The following PHLDB2 variants were observed in gnomAD, a reference collection of about 807,000 sequenced individuals.
The protein encoded by PHLDB2 is pleckstrin homology like domain family B member 2.
PHLDB2 carries 71 observed loss-of-function variants against 123.6 expected under a neutral mutation model. That is an observed-to-expected ratio of 0.57 (90% confidence interval 0.47 to 0.70). PHLDB2 has a LOEUF of 0.70. PHLDB2 is among the 30% of genes least tolerant of loss of function. PHLDB2 has a pLI of 0.00. For missense variants in PHLDB2, 1,446 were observed against 1,519.5 expected, an observed-to-expected ratio of 0.95 and a Z score of 0.80; for synonymous variants, 547 against 541.6, an observed-to-expected ratio of 1.01 and a Z score of -0.14.
At position 111,966,702 on chromosome 3, in the gene PHLDB2, G is replaced by A; in HGVS notation, c.3167G>A (p.Arg1056Lys). The A allele has an allele frequency of 6.2e-7, 1 of 1,611,602 alleles. No homozygotes were observed. Among genetic ancestry groups the A allele is most frequent in the Non-Finnish European group, 8.5e-7 (1 of 1,178,758 alleles). ...GAAAAGACGCGGCTGCTCGAATCCAGGGTAAGCTTCATATTTTCATGCCGG... is the reference window on the plus strand; with the variant it reads ...GAAAAGACGCGGCTGCTCGAATCCAAGGTAAGCTTCATATTTTCATGCCGG... ...HAEKTRLLESREREMEAKKRA... is the reference protein window; with the variant it reads ...HAEKTRLLESKEREMEAKKRA... The change falls in exon 14 of 18, where the codon AGG (arginine) becomes AAG (lysine). Residue 1056 changes from arginine (R) to lysine (K), a missense_variant and splice_region_variant. This residue lies in a region of PHLDB2 where 594 missense variants were observed against 646.0 expected (regional missense o/e 0.92). Transcript: ENST00000431670.
At position 111,884,705 on chromosome 3, in the gene PHLDB2, A is replaced by C; in HGVS notation, c.628A>C (p.Lys210Gln). 6.2e-7 allele frequency: 1 copy of C among 1,614,156 alleles called. No homozygotes were observed. Among genetic ancestry groups the C allele is most frequent in the Non-Finnish European group, 8.5e-7 (1 of 1,180,026 alleles). ...GCCTTCAAGCCCAAAGCAAGCCAGG[A>C]AAATGAGCATTCAGGACAGCCTGGC... ...SMPSSPKQAR[K>Q]MSIQDSLALQ... is the part of the protein sequence containing the mutation. Residue 210 changes from lysine to glutamine, a missense_variant, in exon 2 of 18, where the codon AAA becomes CAA. Physicochemically the swap from Lys to Gln is moderately conservative, Grantham distance 53 (BLOSUM62 1). Coordinates refer to ENST00000431670, the MANE Select transcript of PHLDB2 (RefSeq NM_001134438.2).
At chr3:111,839,173 G>C (rs2063554076) in intron 1 of PHLDB2, among the ~76,000 whole-genome samples, 1 of 151,148 alleles carries the variant, frequency 6.6e-6, no homozygotes, top group South Asian at 2.1e-4. Flanking sequence ...CACCCACACT[G>C]AGCTCTTCCA....
chr3:111,789,836 G>GTCTT (rs1448317164), intron 1 of PHLDB2, among the ~76,000 whole-genome samples: 1 of 152,140 alleles, frequency 6.6e-6, no homozygotes, highest in African/African-American at 2.4e-5. Flanking sequence ...TTTGGCCCTT[G>GTCTT]TCTTTAGCCA....
At chr3:111,918,524 T>C (rs1286199066) in intron 3 of PHLDB2, among the ~76,000 whole-genome samples, 3 of 152,210 alleles carry the variant, frequency 2.0e-5, no homozygotes, top group Admixed American at 6.5e-5. Context: ...CCAACTTGTG[T>C]TGAGAAGGAA....
chr3:111,862,611 T>A (rs1184508303), intron 1 of PHLDB2, among the ~76,000 whole-genome samples: 1 of 152,124 alleles, frequency 6.6e-6, no homozygotes, highest in Non-Finnish European at 1.5e-5. Context: ...GGGGAGTAGG[T>A]TAACAAGATT....
chr3:111,895,674 C>G (rs1197145694), intron 2 of PHLDB2, among the ~76,000 whole-genome samples: 1 of 152,014 alleles, frequency 6.6e-6, no homozygotes, highest in East Asian at 1.9e-4. Context: ...ATGGTGAAAC[C>G]TCGTCTCTAC....
intron 1 of PHLDB2, among the ~76,000 whole-genome samples, chr3:111,746,390 T>A (rs1352105041): frequency 6.6e-6 from 1 of 152,130 alleles, no homozygotes; most frequent in African/African-American, 2.4e-5. Flanking sequence ...GAAGAAATTA[T>A]CAAAAAGTAG....
At chr3:111,736,320 A>T (rs1255484544) in intron 1 of PHLDB2, among the ~76,000 whole-genome samples, 1 of 152,200 alleles carries the variant, frequency 6.6e-6, no homozygotes, top group Admixed American at 6.5e-5. Context: ...AGATTTTTTT[A>T]AAAGTTTATT....
In PHLDB2 at chr3:111,876,261, A is replaced by T. The variant is rs150383747; in HGVS notation, c.-14-7803A>T. 6.3e-3 allele frequency among the ~76,000 whole-genome samples: 954 copies of T among 152,278 alleles called. 6 individuals are homozygous for T. Among genetic ancestry groups the T allele is most frequent in the Non-Finnish European group, 9.9e-3 (676 of 68,028 alleles). On this transcript the variant is annotated intron_variant, in intron 1 of 17. Coordinates refer to ENST00000431670, the MANE Select transcript of PHLDB2 (RefSeq NM_001134438.2). ...ACAGAGGAGACCAATGTTGATTCCC[A>T]GGATTTTGGCTTGACCCCTACCTGT...
rs376356769 is a variant in PHLDB2 at position 111,934,191 on chromosome 3, G to A, written c.2130+1794G>A. ...TTAGGAGAGATAACTGGCTTGTGAT[G>A]GCTGCAGTTCACCTTATATTAAGAG... is the stretch of plus-strand genomic sequence containing the variant. On this transcript the variant is annotated intron_variant, in intron 6 of 17. Coordinates refer to ENST00000431670, the MANE Select transcript of PHLDB2 (RefSeq NM_001134438.2). Among the ~76,000 whole-genome samples the A allele has an allele frequency of 4.3e-4, 65 of 152,224 alleles. 1 individual carries two copies. The highest frequency in any genetic ancestry group is 7.8e-4 in the Non-Finnish European group (53 of 68,004).
At chr3:111,882,210 T>C (rs1005207865) in intron 1 of PHLDB2, among the ~76,000 whole-genome samples, 3 of 152,204 alleles carry the variant, frequency 2.0e-5, no homozygotes, top group Admixed American at 2.0e-4. Context: ...AACACTGAAA[T>C]GTCCTCAGGA....
At chr3:111,830,969 G>GAAAGAAAGAAAGAA (rs1559855023) in intron 1 of PHLDB2, among the ~76,000 whole-genome samples, 4 of 30,388 alleles carry the variant, frequency 1.3e-4, no homozygotes, top group Non-Finnish European at 2.3e-4. Context: ...AAGAAAGAAA[G>GAAAGAAAGAAAGAA]AAAGAAAGAA....
chr3:111,821,027 C>G (rs1469427294), intron 1 of PHLDB2, among the ~76,000 whole-genome samples: 1 of 152,166 alleles, frequency 6.6e-6, no homozygotes, highest in Non-Finnish European at 1.5e-5. Flanking sequence ...CCAAGAGCCC[C>G]TGAAGTTCTC....
chr3:111,951,827 G>A (rs1337685379), intron 10 of PHLDB2, among the ~76,000 whole-genome samples: 2 of 151,940 alleles, frequency 1.3e-5, no homozygotes, highest in Non-Finnish European at 2.9e-5. Context: ...GTTCTCTAGT[G>A]GTGATTTCTG....
intron 1 of PHLDB2, among the ~76,000 whole-genome samples, chr3:111,774,581 GGTTTTTTTCT>G (rs2060234670): frequency 6.6e-6 from 1 of 152,068 alleles, no homozygotes; most frequent in African/African-American, 2.4e-5. Context: ...TGGTTTTCAT[GGTTTTTTTCT>G]GTTTTCATCT....
intron 2 of PHLDB2, among the ~76,000 whole-genome samples, chr3:111,903,608 G>A (rs1307769393): frequency 6.6e-6 from 1 of 152,112 alleles, no homozygotes. Flanking sequence ...GTTTTTAGGC[G>A]TGCTTGTTAA....
intron 16 of PHLDB2, among the ~76,000 whole-genome samples, chr3:111,973,217 G>C (rs1268299546): frequency 6.9e-6 from 1 of 145,574 alleles, no homozygotes; most frequent in Non-Finnish European, 1.5e-5. Context: ...TAAATTATTT[G>C]CTTGTAGCTC....
intron 6 of PHLDB2, among the ~76,000 whole-genome samples, chr3:111,935,543 A>ATAGG (rs74916346): frequency 6.6e-6 from 1 of 151,380 alleles, no homozygotes; most frequent in Non-Finnish European, 1.5e-5. Context: ...AGATAGATAG[A>ATAGG]AGGGGAGTTC....
chr3:111,850,313 C>CA (rs1235227334), intron 2 of PHLDB2, among the ~76,000 whole-genome samples: 1 of 152,020 alleles, frequency 6.6e-6, no homozygotes, highest in Non-Finnish European at 1.5e-5. Flanking sequence ...GTGAGGGGGG[C>CA]AGGGCTAGGG....
Sources: allele counts gnomAD v4.1 joint callset (sites outside exome capture counted in the v4.1 genomes callset), GRCh38; gene constraint gnomAD v4.1.1; regional missense constraint gnomAD v4.1.1; transcripts MANE v1.5; gene names NCBI Gene and HGNC (gene_info 2026-07-23, HGNC 2026-07-21).